UBE2W: variants seen among roughly 807,000 people sequenced by gnomAD.
The protein encoded by UBE2W is ubiquitin conjugating enzyme E2 W, also known as ubiquitin-conjugating enzyme E2 W.
A neutral mutation model predicts 27.2 loss-of-function variants in UBE2W; 18 were observed. The ratio of observed to expected loss-of-function variants is 0.66; its 90% CI spans 0.46 to 0.98. The LOEUF (loss-of-function observed/expected upper bound fraction) is 0.98, where lower values mean the gene tolerates loss of function less well. Among genes scored for constraint, UBE2W ranks in the 50% least tolerant of loss-of-function variants. The pLI, the probability that UBE2W is intolerant of heterozygous loss-of-function variation, is 0.00. For missense variants in UBE2W, 90 were observed against 180.2 expected (o/e 0.50, Z 2.87); for synonymous variants, 53 against 57.2 (o/e 0.93, Z 0.33).
intron 2 of UBE2W, among the ~76,000 whole-genome samples, chr8:73,827,976 C>T (rs1809920098): frequency 6.6e-6 from 1 of 152,190 alleles, no homozygotes; most frequent in African/African-American, 2.4e-5. Context: ...AGTCATTTTG[C>T]TGTTTCCTAT....
rs1241308435 is a variant in UBE2W, at chr8:73,791,826, T to C, written c.*2276A>G. 14 of 984,574 alleles carry C rather than the reference T, an allele frequency of 1.4e-5. No individual in the cohort carries two copies. The highest frequency in any genetic ancestry group is 1.2e-4 in the Admixed American group (2 of 16,246). 61.0% of individuals were successfully genotyped at this position (984,574 alleles called of 1,614,324 possible). On this transcript the variant is annotated 3_prime_UTR_variant, in exon 6 of 6. Coordinates refer to ENST00000602593, the MANE Select transcript of UBE2W (RefSeq NM_018299.6). ...GAAATTATTTCATTTTCCTCTACTT[T>C]CCTCTGTGTCATTTTAGTTTACTTT...
chr8:73,875,979 G>C (rs1466899679), intron 1 of UBE2W, among the ~76,000 whole-genome samples: 4 of 152,024 alleles, frequency 2.6e-5, no homozygotes, highest in African/African-American at 7.3e-5. Context: ...TAGAACCCTG[G>C]GAGCGGAGGT....
At chr8:73,818,029 T>C (rs1445980883) in intron 3 of UBE2W, among the ~76,000 whole-genome samples, 1 of 152,206 alleles carries the variant, frequency 6.6e-6, no homozygotes, top group African/African-American at 2.4e-5. Flanking sequence ...CCTTGCCCTA[T>C]ACTTTTCACA....
intron 1 of UBE2W, among the ~76,000 whole-genome samples, chr8:73,864,267 G>A (rs760448276): frequency 5.3e-5 from 8 of 152,168 alleles, no homozygotes; most frequent in Non-Finnish European, 1.2e-4. Flanking sequence ...GGTGGCACAT[G>A]ACTGTAATCC....
intron 1 of UBE2W, among the ~76,000 whole-genome samples, chr8:73,845,016 G>T (rs1810721949): frequency 6.6e-6 from 1 of 150,516 alleles, no homozygotes; most frequent in African/African-American, 2.5e-5. Context: ...GGAGGTGGGG[G>T]GCAGCCCCCG....
chr8:73,868,685 T>C (rs1373453612), intron 1 of UBE2W, among the ~76,000 whole-genome samples: 1 of 149,574 alleles, frequency 6.7e-6, no homozygotes, highest in African/African-American at 2.5e-5. Flanking sequence ...CCAGCTGGTG[T>C]TGAAAAATTG....
intron 1 of UBE2W, among the ~76,000 whole-genome samples, chr8:73,842,248 G>A (rs1810562062): frequency 6.6e-6 from 1 of 152,042 alleles, no homozygotes; most frequent in Non-Finnish European, 1.5e-5. Context: ...ATGACGTGGG[G>A]CCGGGCACAG....
At chr8:73,809,780 A>T (rs1369863413) in intron 4 of UBE2W, among the ~76,000 whole-genome samples, 3 of 152,046 alleles carry the variant, frequency 2.0e-5, no homozygotes, top group Non-Finnish European at 2.9e-5. Flanking sequence ...GGGTTTCACC[A>T]TGTTGGCCAG....
At chr8:73,781,489 T>C (rs897955737), downstream of UBE2W, among the ~76,000 whole-genome samples, 4 of 152,078 alleles carry the variant, frequency 2.6e-5, no homozygotes, top group African/African-American at 9.7e-5. Context: ...AACCTGCTTC[T>C]TCTCTTTGTA....
chr8:73,844,068 A>G (rs1005295702), intron 1 of UBE2W, among the ~76,000 whole-genome samples: 5 of 152,352 alleles, frequency 3.3e-5, no homozygotes, highest in Non-Finnish European at 1.5e-5. Flanking sequence ...AGGTCAATGA[A>G]GCCCAATTAA....
At chr8:73,866,283 AAAAAAAAATAT>A (rs1156245356) in intron 1 of UBE2W, among the ~76,000 whole-genome samples, 1,716 of 112,066 alleles carry the variant, frequency 0.015, 38 homozygotes, top group African/African-American at 0.057. Context: ...AAAAAAAAAA[AAAAAAAAATAT>A]ATATATATAT....
At chr8:73,831,209 GCT>G in intron 1 of UBE2W, 1 of 431,884 alleles carries the variant, frequency 2.3e-6, no homozygotes, top group South Asian at 2.2e-5. Context: ...TGGAGAATCT[GCT>G]GGAAGACCTA....
At chr8:73,867,270 C>T (rs556853080) in intron 1 of UBE2W, among the ~76,000 whole-genome samples, 1 of 152,268 alleles carries the variant, frequency 6.6e-6, no homozygotes, top group South Asian at 2.1e-4. Flanking sequence ...GGTGCAGTGG[C>T]TCACGCCTGT....
At chr8:73,805,469 A>AAAAAAAAAAAAC (rs1808851798) in intron 5 of UBE2W, among the ~76,000 whole-genome samples, 182 bp downstream of exon 5, 1 of 138,012 alleles carries the variant, frequency 7.2e-6, no homozygotes, top group East Asian at 2.1e-4. Flanking sequence ...AAAAAAAAAA[A>AAAAAAAAAAAAC]AACAAAAAAA....
rs966479670 is a variant in UBE2W, at chr8:73,787,651, C to T, written c.*6451G>A. 2.9e-5 allele frequency: 29 copies of T among 985,430 alleles called. No individual in the cohort carries two copies. Among genetic ancestry groups the T allele is most frequent in the Non-Finnish European group, 3.3e-5 (27 of 829,936 alleles). 61.0% of individuals were successfully genotyped at this position (985,430 alleles called of 1,614,324 possible). On this transcript the variant is annotated 3_prime_UTR_variant, in exon 6 of 6. Coordinates refer to ENST00000602593, the MANE Select transcript of UBE2W (RefSeq NM_018299.6). ...ATTTAATTCCTCCTGTCAGGAATAA[C>T]AGATGCTGAGATAGCCCCTTCTTGT...
chr8:73,876,839 T>G (rs904148182), intron 1 of UBE2W, among the ~76,000 whole-genome samples: 1 of 152,102 alleles, frequency 6.6e-6, no homozygotes, highest in Non-Finnish European at 1.5e-5. Context: ...TGGTGGTTCA[T>G]GCCTGTAATC....
chr8:73,865,550 T>A (rs948345606), intron 1 of UBE2W, among the ~76,000 whole-genome samples: 1 of 152,184 alleles, frequency 6.6e-6, no homozygotes, highest in African/African-American at 2.4e-5. Flanking sequence ...AGGCCAAGGC[T>A]GCAGTGAGCC....
At position 73,787,016 on chromosome 8, in the gene UBE2W, G is replaced by T; in HGVS notation, c.*7086C>A. On this transcript the variant is annotated 3_prime_UTR_variant, in exon 6 of 6. Coordinates refer to ENST00000602593, the MANE Select transcript of UBE2W (RefSeq NM_018299.6). ...ACCCACATTAAGTCCCTGAAGGCCA[G>T]ATACAGACATGAGAAGATATTTCCT... 10 of 985,436 alleles carry T rather than the reference G, an allele frequency of 1.0e-5. No individual in the cohort carries two copies. Among genetic ancestry groups the T allele is most frequent in the Non-Finnish European group, 1.2e-5 (10 of 829,934 alleles). The allele number at this position is 985,436 out of a possible 1,614,324, so 61.0% of individuals were successfully genotyped here. A position where few individuals can be genotyped will look rare whatever the true frequency, so the allele number is the denominator to read the frequency against.
intron 1 of UBE2W, among the ~76,000 whole-genome samples, chr8:73,837,863 T>C (rs539318061): frequency 2.6e-5 from 4 of 152,156 alleles, no homozygotes; most frequent in South Asian, 4.1e-4. Flanking sequence ...TGCACAGACA[T>C]CTATCCTCCC....
Sources: gnomAD v4.1 joint callset for allele counts (sites outside exome capture counted in the v4.1 genomes callset) on GRCh38, gnomAD v4.1.1 for gene constraint, MANE v1.5 for transcripts, NCBI Gene and HGNC (gene_info 2026-07-23, HGNC 2026-07-21) for gene names.